The following KALRN variants were observed in gnomAD, a reference collection of about 807,000 sequenced individuals.
The protein encoded by KALRN is kalirin RhoGEF kinase, also known as kalirin.
Under a neutral mutation model 353.7 loss-of-function variants are expected in KALRN, and 70 were observed. The observed-to-expected ratio is 0.20, with a 90% CI of 0.16 to 0.24. The LOEUF (loss-of-function observed/expected upper bound fraction) is 0.24. Ranked by LOEUF, KALRN falls within the 10% of genes least tolerant of loss-of-function variation. KALRN has a pLI of 1.00. For synonymous variants in KALRN, 1,391 were observed against 1,434.8 expected (o/e 0.97, Z 0.69); for missense variants, 2,791 against 3,756.7 (o/e 0.74, Z 6.72).
At chr3:124,412,053 C>T (rs1344851066) in intron 13 of KALRN, among the ~76,000 whole-genome samples, 2 of 152,184 alleles carry the variant, frequency 1.3e-5, no homozygotes, top group South Asian at 2.1e-4. Context: ...TAATCTGTTT[C>T]TATTTTGCTT....
chr3:124,369,896 T>C (rs960187382), intron 10 of KALRN, among the ~76,000 whole-genome samples: 4 of 152,172 alleles, frequency 2.6e-5, no homozygotes, highest in African/African-American at 9.7e-5. Flanking sequence ...CATATCCCGC[T>C]TAGCATAACA....
chr3:124,272,470 A>T (rs1055438245), intron 5 of KALRN, among the ~76,000 whole-genome samples: 1 of 152,152 alleles, frequency 6.6e-6, no homozygotes, highest in African/African-American at 2.4e-5. Flanking sequence ...CAAATATATG[A>T]TCCCTGAATT....
intron 9 of KALRN, among the ~76,000 whole-genome samples, chr3:124,339,253 G>T (rs1474701398): frequency 6.6e-6 from 1 of 152,128 alleles, no homozygotes; most frequent in Non-Finnish European, 1.5e-5. Flanking sequence ...GGCTGGGGCT[G>T]GAGAGGCCCA....
At chr3:124,398,953 T>G in intron 13 of KALRN, 82 bp downstream of exon 13, 1 of 1,415,398 alleles carries the variant, frequency 7.1e-7, no homozygotes, top group Non-Finnish European at 9.5e-7. Context: ...GGCAGGGCAG[T>G]AGCCTAAGGA....
chr3:124,618,045 G>A lies in KALRN; in HGVS notation c.5183-14375G>A, dbSNP rs139494367. On this transcript the variant is annotated intron_variant, in intron 34 of 59. Transcript: ENST00000682506. Reference sequence around the variant, plus strand: ...TAAAGCAAGTAGATTTAAACTATCTGAGTGCCAGTGGGAATGGAAAGAAAA... The same window carrying A: ...TAAAGCAAGTAGATTTAAACTATCTAAGTGCCAGTGGGAATGGAAAGAAAA... Among the ~76,000 whole-genome samples, 673 of 143,448 alleles carry A rather than the reference G, an allele frequency of 4.7e-3. 3 individuals are homozygous for A. The highest frequency in any genetic ancestry group is 0.017 in the African/African-American group (641 of 38,210). 94.1% of individuals were successfully genotyped at this position (143,448 alleles called of 152,430 possible).
At chr3:124,489,759 G>C (rs2062941394) in intron 29 of KALRN, among the ~76,000 whole-genome samples, 1 of 152,190 alleles carries the variant, frequency 6.6e-6, no homozygotes, top group South Asian at 2.1e-4. Flanking sequence ...CTTGTCAGAA[G>C]TGCACATTCA....
Position 124,614,680 on chromosome 3 carries a change from C to T in KALRN, c.5183-17740C>T, listed in dbSNP as rs186609899. ...CAACCTCCTGGGCTCAGGCAATCCT[C>T]CCACTCAGCCTCCCAAGTAGCTGGG... On this transcript the variant is annotated intron_variant, in intron 34 of 59. Coordinates refer to ENST00000682506, the MANE Select transcript of KALRN (RefSeq NM_001388419.1). 1.1e-3 allele frequency among the ~76,000 whole-genome samples: 161 copies of T among 152,100 alleles called. 2 individuals are homozygous for T. The highest frequency in any genetic ancestry group is 3.8e-3 in the African/African-American group (157 of 41,472).
intron 11 of KALRN, among the ~76,000 whole-genome samples, chr3:124,388,876 A>C (rs1222321180): frequency 6.6e-6 from 1 of 152,140 alleles, no homozygotes; most frequent in Non-Finnish European, 1.5e-5. Context: ...AAACATCACT[A>C]AGTATGGGTC....
At chr3:124,261,871 G>A (rs2072921173) in intron 3 of KALRN, among the ~76,000 whole-genome samples, 1 of 152,166 alleles carries the variant, frequency 6.6e-6, no homozygotes, top group East Asian at 1.9e-4. Flanking sequence ...ACTAAATGAT[G>A]CTCAGTGAGA....
intron 45 of KALRN, among the ~76,000 whole-genome samples, chr3:124,664,073 C>G (rs897057784): frequency 6.6e-6 from 1 of 152,180 alleles, no homozygotes; most frequent in East Asian, 1.9e-4. Flanking sequence ...CAGACACACA[C>G]TGAGTTCTTA....
At chr3:124,244,741 C>T (rs939721230) in intron 3 of KALRN, among the ~76,000 whole-genome samples, 7 of 152,128 alleles carry the variant, frequency 4.6e-5, no homozygotes, top group Non-Finnish European at 8.8e-5. Context: ...TTGTAAGTAA[C>T]CCTCAGTAAA....
At chr3:124,678,695 C>T (rs1004971825) in intron 50 of KALRN, 32 of 167,994 alleles carry the variant, frequency 1.9e-4, no homozygotes, top group African/African-American at 3.8e-4. Context: ...GGGATGCCTT[C>T]CAAACCCCCA....
rs933525039 is a variant in KALRN at position 124,723,742 on chromosome 3, T to C, written c.*4272T>C. 2 of 152,242 alleles carry C rather than the reference T, an allele frequency of 1.3e-5. No homozygotes were observed. The highest frequency in any genetic ancestry group is 6.5e-5 in the Admixed American group (1 of 15,280). 9.4% of individuals were successfully genotyped at this position (152,242 alleles called of 1,614,324 possible). ...GAGAGCTGATGAAGTCTTATGTCCA[T>C]AAGTTGTTTTCTCCAGTATTTCTTA... On this transcript the variant is annotated 3_prime_UTR_variant, in exon 60 of 60. Transcript: ENST00000682506.
At chr3:124,706,308 A>T (rs1399971713) in intron 57 of KALRN, among the ~76,000 whole-genome samples, 1 of 152,204 alleles carries the variant, frequency 6.6e-6, no homozygotes, top group Admixed American at 6.5e-5. Flanking sequence ...CAGGGACAAT[A>T]TGAGAATGTA....
rs2042271924 is a variant in KALRN at position 124,065,426 on chromosome 3, A to G, written c.73+31613A>G. 2.6e-5 allele frequency among the ~76,000 whole-genome samples: 4 copies of G among 152,172 alleles called. No individual in the cohort carries two copies. In the South Asian group the frequency reaches 8.3e-4, roughly 32 times the overall value. ...TAATTTTGTTAGGTGTGGTAATGGT[A>G]TTGTAGCTGAGTGCCCTCATATTTA... On this transcript the variant is annotated intron_variant, in intron 1 of 59. Transcript: ENST00000682506.
chr3:124,451,863 A>C (rs1203946438), intron 21 of KALRN, among the ~76,000 whole-genome samples: 1 of 152,188 alleles, frequency 6.6e-6, no homozygotes, highest in Admixed American at 6.5e-5. Context: ...CCATTTCTAT[A>C]CCACAGCTTC....
intron 5 of KALRN, among the ~76,000 whole-genome samples, chr3:124,283,079 G>A (rs1447397918): frequency 1.3e-5 from 2 of 152,250 alleles, no homozygotes; most frequent in Admixed American, 1.3e-4. Context: ...CCCAAAGAAA[G>A]AGCTGCCTCA....
chr3:124,198,299 A>G (rs1232195161), intron 1 of KALRN, among the ~76,000 whole-genome samples: 1 of 152,224 alleles, frequency 6.6e-6, no homozygotes. Context: ...GATTTGTGCA[A>G]CACAGTCAAG....
chr3:124,532,309 A>G (rs1226688261), intron 33 of KALRN, among the ~76,000 whole-genome samples: 1 of 152,248 alleles, frequency 6.6e-6, no homozygotes, highest in Non-Finnish European at 1.5e-5. Flanking sequence ...CTCCATTATT[A>G]CGTAGCTTGT....
Sources: gnomAD v4.1 joint callset for allele counts (sites outside exome capture counted in the v4.1 genomes callset) on GRCh38, gnomAD v4.1.1 for gene constraint, MANE v1.5 for transcripts, NCBI Gene and HGNC (gene_info 2026-07-23, HGNC 2026-07-21) for gene names.